Variants in KIF19 observed in about 807,000 individuals in gnomAD.
KIF19 encodes kinesin family member 19.
A neutral mutation model predicts 106.6 loss-of-function variants in KIF19; 98 were observed. The observed-to-expected ratio is 0.92, with a 90% CI of 0.78 to 1.09. The LOEUF (loss-of-function observed/expected upper bound fraction) is 1.09, where lower values mean the gene tolerates loss of function less well. Among genes scored for constraint, KIF19 ranks in the 50% least tolerant of loss-of-function variants. The pLI is 0.00. For synonymous variants in KIF19, 516 were observed against 584.2 expected (o/e 0.88, Z 1.68); for missense variants, 1,373 against 1,414.3 (o/e 0.97, Z 0.47).
chr17:74,354,213 G>C lies in KIF19; in HGVS notation c.2360G>C (p.Arg787Pro), dbSNP rs575641456. 3.3e-5 allele frequency: 53 copies of C among 1,609,184 alleles called. No individual in the cohort carries two copies. The Admixed American group carries it at 8.8e-4, about 27-fold the overall frequency. The change falls in exon 18 of 20, where the codon CGG becomes CCG. Residue 787 changes from arginine to proline, a missense_variant. Physicochemically the swap from Arg to Pro is moderately radical, Grantham distance 103. Around this residue, in one of 3 missense-constraint regions of KIF19, gnomAD observed 1,020 missense variants for 1,008.2 expected, o/e 1.01. Coordinates refer to ENST00000389916, the MANE Select transcript of KIF19 (RefSeq NM_153209.4). Reference sequence around the variant, plus strand: ...AAGTGCATCTGGGTGAAGGCCGCCCGGCGGCGCTCGCGGGCCCTGGGAACC... The same window carrying C: ...AAGTGCATCTGGGTGAAGGCCGCCCCGCGGCGCTCGCGGGCCCTGGGAACC... ...GTKCIWVKAA[R>P]RRSRALGTEG...
At chr17:74,353,037 C>T in intron 15 of KIF19, 83 bp downstream of exon 15, 1 of 1,540,360 alleles carries the variant, frequency 6.5e-7, no homozygotes, top group Non-Finnish European at 8.9e-7. Flanking sequence ...AAATGGGGAA[C>T]ACAGAGCAGC....
Position 74,350,873 on chromosome 17 carries a change from G to T in KIF19, c.1555G>T (p.Val519Leu), listed in dbSNP as rs1598396807. The T allele has an allele frequency of 6.2e-7, 1 of 1,613,968 alleles. No homozygotes were observed. Among genetic ancestry groups the T allele is most frequent in the Non-Finnish European group, 8.5e-7 (1 of 1,179,906 alleles). The change falls in exon 12 of 20, where the codon GTG becomes TTG. Residue 519 changes from valine to leucine, a missense_variant. Coordinates refer to ENST00000389916, the MANE Select transcript of KIF19 (RefSeq NM_153209.4). Reference sequence around the variant, plus strand: ...AGCCCGGGAGAGCATTGCAGCCCTGGTGGACGAGCAGAAGCAACTGCGCAA... The same window carrying T: ...AGCCCGGGAGAGCATTGCAGCCCTGTTGGACGAGCAGAAGCAACTGCGCAA... ...AAARESIAAL[V>L]DEQKQLRKQK... is the part of the protein sequence containing the mutation.
intron 9 of KIF19, chr17:74,348,829 A>G: frequency 4.0e-6 from 1 of 252,072 alleles, no homozygotes; most frequent in Non-Finnish European, 7.7e-6. Context: ...CAGGTTCCAA[A>G]GGCAGGAAGG....
rs2054093042 is a variant in KIF19 at position 74,331,920 on chromosome 17, C to T, written c.120+3415C>T. ...GGATAGTCCAGTTGCCTTGGAAGGC[C>T]AGTGATTCCAGGACCCCGTTCAATT... is the stretch of plus-strand genomic sequence containing the variant. On this transcript the variant is annotated intron_variant, in intron 2 of 19. Coordinates refer to ENST00000389916, the MANE Select transcript of KIF19 (RefSeq NM_153209.4). This position sits in a 1 kb window ranked among gnomAD's most constrained non-coding sequence, Gnocchi z 4.1. 6.6e-6 allele frequency among the ~76,000 whole-genome samples: 1 copy of T among 152,050 alleles called. No homozygotes were observed. Among genetic ancestry groups the T allele is most frequent in the Non-Finnish European group, 1.5e-5 (1 of 68,018 alleles).
At chr17:74,342,031 A>G in intron 3 of KIF19, 45 bp downstream of exon 3, 1 of 1,248,988 alleles carries the variant, frequency 8.0e-7, no homozygotes, top group African/African-American at 1.5e-5. Context: ...CCCCTCCCCC[A>G]CCCTTAGCCC....
intron 2 of KIF19, among the ~76,000 whole-genome samples, chr17:74,333,919 G>A (rs368320863): frequency 6.8e-6 from 1 of 147,168 alleles, no homozygotes. Context: ...GAATTCCTGG[G>A]CTCAAAGGAT....
At position 74,354,243 on chromosome 17, in the gene KIF19, G is replaced by A. The variant is rs748469112; in HGVS notation, c.2390G>A (p.Gly797Glu). 2.5e-6 allele frequency: 4 copies of A among 1,608,520 alleles called. 1 individual carries two copies. In the South Asian group the frequency reaches 4.4e-5, roughly 18 times the overall value. ...RRRSRALGTE[G>E]RHLLAPATER... ...CGCTCGCGGGCCCTGGGAACCGAGG[G>A]GCGACACCTGCTGGCACCCGCGACA... is the stretch of plus-strand genomic sequence containing the variant. Residue 797 changes from glycine to glutamate, a missense_variant, in exon 18 of 20, where the codon GGG becomes GAG. By Grantham distance (98) the Gly-to-Glu change is moderately conservative (BLOSUM62 -2). Coordinates refer to ENST00000389916, the MANE Select transcript of KIF19 (RefSeq NM_153209.4).
chr17:74,337,591 C>G (rs1369355969), intron 2 of KIF19, among the ~76,000 whole-genome samples: 2 of 152,224 alleles, frequency 1.3e-5, no homozygotes, highest in Non-Finnish European at 2.9e-5. Flanking sequence ...CACTCCACCT[C>G]TCTCATTCTT....
chr17:74,327,558 TGCCCC>T (rs1218396804), intron 1 of KIF19, among the ~76,000 whole-genome samples: 4 of 152,334 alleles, frequency 2.6e-5, no homozygotes, highest in Admixed American at 2.0e-4. Flanking sequence ...CTCAGCTCAC[TGCCCC>T]TCAAGTTCAA....
At chr17:74,344,152 G>C in intron 5 of KIF19, 71 bp from the exon 6 acceptor site, 1 of 1,428,634 alleles carries the variant, frequency 7.0e-7, no homozygotes, top group Non-Finnish European at 9.5e-7. Flanking sequence ...AAGGAAAGGG[G>C]ACTCAGCCCT....
At position 74,331,071 on chromosome 17, in the gene KIF19, G is replaced by A. The variant is rs146597313; in HGVS notation, c.120+2566G>A. Reference sequence around the variant, plus strand: ...ACAAATAAATGCCTGGCAAGTAGGAGACAAGATACATGAACCCAGGAAGCA... The same window carrying A: ...ACAAATAAATGCCTGGCAAGTAGGAAACAAGATACATGAACCCAGGAAGCA... On this transcript the variant is annotated intron_variant, in intron 2 of 19. Transcript: ENST00000389916. The surrounding 1 kb of genome is among the most constrained non-coding windows in gnomAD (Gnocchi z 4.1). Among the ~76,000 whole-genome samples the A allele has an allele frequency of 2.0e-5, 3 of 152,254 alleles. No homozygotes were observed. Among genetic ancestry groups the A allele is most frequent in the Non-Finnish European group, 4.4e-5 (3 of 68,016 alleles).
intron 2 of KIF19, among the ~76,000 whole-genome samples, chr17:74,341,482 G>A (rs956039546): frequency 1.1e-4 from 17 of 152,334 alleles, no homozygotes; most frequent in Middle Eastern, 3.4e-3. Flanking sequence ...GTCTGGGCTC[G>A]TGGTAGCCTG....
In KIF19 at chr17:74,353,062, G is replaced by A. The variant is rs779691930; in HGVS notation, c.2114+108G>A. The A allele has an allele frequency of 4.1e-6, 6 of 1,457,548 alleles. No individual in the cohort carries two copies. The South Asian group carries it at 7.1e-5, about 17-fold the overall frequency. The allele number at this position is 1,457,548 out of a possible 1,614,324, so 90.3% of individuals were successfully genotyped here. ...CACAGAGCAGCAATGAGAGGGAGCA[G>A]GTGGCCCAGGTCTGGAGCCAGGACT... is the stretch of plus-strand genomic sequence containing the variant. On this transcript the variant is annotated intron_variant, in intron 15 of 19. Transcript: ENST00000389916.
At position 74,350,921 on chromosome 17, in the gene KIF19, G is replaced by C. The variant is rs1393335388; in HGVS notation, c.1587+16G>C. On this transcript the variant is annotated intron_variant, in intron 12 of 19. Transcript: ENST00000389916. ...CAAGCAGAAGGTGTCCAGGGTTTGG[G>C]GGGACAAGGAGAGTGGGTTTAGGGG... 5 of 1,612,696 alleles carry C rather than the reference G, an allele frequency of 3.1e-6. No homozygotes were observed. Among genetic ancestry groups the C allele is most frequent in the Non-Finnish European group, 3.4e-6 (4 of 1,179,794 alleles).
At chr17:74,352,669 T>C (rs2054750100) in intron 14 of KIF19, among the ~76,000 whole-genome samples, 152 bp from the exon 15 acceptor site, 1 of 152,052 alleles carries the variant, frequency 6.6e-6, no homozygotes, top group Non-Finnish European at 1.5e-5. Flanking sequence ...GACCACAGCT[T>C]AACCCCGAGG....
chr17:74,328,693 A>C, intron 2 of KIF19, 188 bp downstream of exon 2: 1 of 554,538 alleles, frequency 1.8e-6, no homozygotes, highest in Non-Finnish European at 3.2e-6. Flanking sequence ...AAGCCTTCCT[A>C]GATTGATCCA....
At chr17:74,336,882 G>C (rs1305934128) in intron 2 of KIF19, among the ~76,000 whole-genome samples, 2 of 152,140 alleles carry the variant, frequency 1.3e-5, no homozygotes, top group African/African-American at 4.8e-5. Context: ...CTGGAGTGTG[G>C]TGGCACAATC....
At position 74,353,489 on chromosome 17, in the gene KIF19, C is replaced by A; in HGVS notation, c.2221-5C>A. ...TTTCCTCCTCCCAACCACTCCACCC[C>A]ACAGGCCCCGGCTCAGGACAGCCTG... On this transcript the variant is annotated splice_polypyrimidine_tract_variant and splice_region_variant and intron_variant, in intron 16 of 19. Coordinates refer to ENST00000389916, the MANE Select transcript of KIF19 (RefSeq NM_153209.4). 1.2e-6 allele frequency: 2 copies of A among 1,613,696 alleles called. No individual in the cohort carries two copies. Among genetic ancestry groups the A allele is most frequent in the South Asian group, 1.1e-5 (1 of 91,066 alleles).
At chr17:74,333,235 C>T (rs2054140004) in intron 2 of KIF19, among the ~76,000 whole-genome samples, 1 of 152,206 alleles carries the variant, frequency 6.6e-6, no homozygotes, top group South Asian at 2.1e-4. Flanking sequence ...TTACCTCTCC[C>T]CGCTTAGCCA....
Sources: gnomAD v4.1 joint callset for allele counts (sites outside exome capture counted in the v4.1 genomes callset) on GRCh38, gnomAD v4.1.1 for gene constraint, gnomAD v4.1.1 regional missense constraint, Gnocchi (gnomAD v3.1) non-coding constraint, MANE v1.5 for transcripts, NCBI Gene and HGNC (gene_info 2026-07-23, HGNC 2026-07-21) for gene names.